BRD9: variants seen among roughly 807,000 people sequenced by gnomAD.
The protein encoded by BRD9 is bromodomain containing 9.
A neutral mutation model predicts 68.7 loss-of-function variants in BRD9; 47 were observed. The ratio of observed to expected loss-of-function variants is 0.68; its 90% confidence interval spans 0.54 to 0.87. BRD9 has a LOEUF of 0.87. BRD9 is among the 40% of genes least tolerant of loss of function. BRD9 has a pLI of 0.00. For missense variants in BRD9, 670 were observed against 748.4 expected, an observed-to-expected ratio of 0.90 and a Z score of 1.22; for synonymous variants, 313 against 293.9, an observed-to-expected ratio of 1.06 and a Z score of -0.67.
At chr5:892,370 G>A in intron 1 of BRD9, 1 of 946,092 alleles carries the variant, frequency 1.1e-6, no homozygotes, top group Non-Finnish European at 1.5e-6. Context: ...CGGGGTGAGT[G>A]GGCTTGCAGC....
chr5:883,978 T>C lies in BRD9; in HGVS notation c.926A>G (p.Glu309Gly). ...VLALVEHAAD[E>G]ARDRINRFLP... Reference sequence around the variant, plus strand: ...GAACCGGTTGATCCTGTCCCGAGCTTCGTCAGCTGCGTGCTCCACCAGCGC... The same window carrying C: ...GAACCGGTTGATCCTGTCCCGAGCTCCGTCAGCTGCGTGCTCCACCAGCGC... Residue 309 changes from glutamate (E) to glycine (G), a missense_variant, in exon 8 of 16, where the codon GAA becomes GGA. By Grantham distance (98) the Glu-to-Gly change is moderately conservative (BLOSUM62 -2). Transcript: ENST00000467963. 1 of 1,613,484 alleles carries C rather than the reference T, an allele frequency of 6.2e-7. No individual in the cohort carries two copies. Among genetic ancestry groups the C allele is most frequent in the Non-Finnish European group, 8.5e-7 (1 of 1,180,006 alleles).
Position 876,084 on chromosome 5 carries a change from G to A in BRD9, c.1383+17C>T. On this transcript the variant is annotated intron_variant, in intron 12 of 15. Transcript: ENST00000467963. ...CAAGGGCACCTGCCCCCCAACCCCG[G>A]TGCGAGTGCAGCCCACCTGCTTCAG... The A allele has an allele frequency of 1.9e-6, 3 of 1,588,684 alleles. No homozygotes were observed. The highest frequency in any genetic ancestry group is 1.7e-6 in the Non-Finnish European group (2 of 1,160,788).
At chr5:868,913 G>A (rs1749739886) in intron 14 of BRD9, 1 of 164,374 alleles carries the variant, frequency 6.1e-6, no homozygotes, top group African/African-American at 2.4e-5. Flanking sequence ...AAATGCTGCT[G>A]GAGGTCAGAA....
rs1751995049 is a variant in BRD9 at position 882,911 on chromosome 5, C to T, written c.966+1027G>A. 1.9e-5 allele frequency: 5 copies of T among 262,518 alleles called. 1 individual carries two copies. Among genetic ancestry groups the T allele is most frequent in the South Asian group, 1.5e-4 (4 of 26,486 alleles). 16.3% of individuals were successfully genotyped at this position (262,518 alleles called of 1,614,324 possible). A position where few individuals can be genotyped will look rare whatever the true frequency, so the allele number is the denominator to read the frequency against. Reference sequence around the variant, plus strand: ...ACAACCTCCCAACACATAAGCCACGCAGACCACAGCAACTTCCCAACATGC... The same window carrying T: ...ACAACCTCCCAACACATAAGCCACGTAGACCACAGCAACTTCCCAACATGC... On this transcript the variant is annotated intron_variant, in intron 8 of 15. Coordinates refer to ENST00000467963, the MANE Select transcript of BRD9 (RefSeq NM_023924.5).
At chr5:867,898 G>T (rs1447544902) in intron 14 of BRD9, among the ~76,000 whole-genome samples, 1 of 152,236 alleles carries the variant, frequency 6.6e-6, no homozygotes, top group African/African-American at 2.4e-5. Context: ...AGGAAGGCAT[G>T]ATTGTGTTTT....
intron 7 of BRD9, 61 bp downstream of exon 7, chr5:886,531 C>T (rs1752592629): frequency 1.3e-6 from 2 of 1,488,792 alleles, no homozygotes; most frequent in Non-Finnish European, 1.8e-6. Flanking sequence ...TACAAGGCAC[C>T]TGCTTTCCTG....
In BRD9 at chr5:865,424, C is replaced by T. The variant is rs1749239116; in HGVS notation, c.1683G>A (p.Gln561=). Reference sequence around the variant, plus strand: ...GTGGGGGCATCTCACCCAGGTGGTGCTGGTCCCTCTCGGAGGCGTTGGACA... The same window carrying T: ...GTGGGGGCATCTCACCCAGGTGGTGTTGGTCCCTCTCGGAGGCGTTGGACA... The part of the protein sequence containing the change: ...SSLSNASERD[Q]HHLGSPSRLS... Residue 561 remains glutamine (Q), a synonymous_variant, in exon 15 of 16, where the codon CAG becomes CAA. Transcript: ENST00000467963. The T allele has an allele frequency of 7.6e-6, 12 of 1,581,102 alleles. No homozygotes were observed. Among genetic ancestry groups the T allele is most frequent in the East Asian group, 2.3e-5 (1 of 44,096 alleles).
At chr5:892,474 C>T (rs1402578806) in intron 1 of BRD9, 132 bp downstream of exon 1, 2 of 1,437,388 alleles carry the variant, frequency 1.4e-6, no homozygotes, top group African/African-American at 1.5e-5. Flanking sequence ...GGACCCCCTC[C>T]CGCGTGCCCA....
intron 1 of BRD9, chr5:892,332 G>T: frequency 1.4e-6 from 1 of 691,622 alleles, no homozygotes; most frequent in Non-Finnish European, 2.2e-6. Context: ...ACAAAAGCCA[G>T]CACAGATGCT....
chr5:865,279 G>C, intron 15 of BRD9, 135 bp downstream of exon 15: 3 of 1,234,682 alleles, frequency 2.4e-6, no homozygotes, highest in Non-Finnish European at 3.3e-6. Context: ...TGTGGAAACC[G>C]ACCTCCACAA....
rs1003438013 is a variant in BRD9, at chr5:864,682, AG to A, written c.1694-115del. Reference sequence around the variant, plus strand: ...CTACCGCCAGGGCTCAGGGACTCCCAGGACACAGGGGCACCTCTCACTCCCT... The same window carrying A: ...CTACCGCCAGGGCTCAGGGACTCCCAGACACAGGGGCACCTCTCACTCCCT... On this transcript the variant is annotated intron_variant, in intron 15 of 15. Coordinates refer to ENST00000467963, the MANE Select transcript of BRD9 (RefSeq NM_023924.5). 57 of 831,172 alleles carry A rather than the reference AG, an allele frequency of 6.9e-5. No homozygotes were observed. The African/African-American group carries it at 9.1e-4, about 13-fold the overall frequency. The allele number at this position is 831,172 out of a possible 1,614,324, so 51.5% of individuals were successfully genotyped here.
chr5:874,874 G>A (rs373669520), intron 12 of BRD9, among the ~76,000 whole-genome samples: 9 of 152,308 alleles, frequency 5.9e-5, no homozygotes, highest in African/African-American at 1.9e-4. Flanking sequence ...GCACAGTGTC[G>A]GTGCCATGTG....
rs760673235 is a variant in BRD9 at position 871,566 on chromosome 5, T to C, written c.1384-2A>G. ...AGGCTTCATGGGAACATTTCTTCTC[T>C]GAAAAGTAAATGAGGACAGAAACTA... On this transcript the variant is annotated splice_acceptor_variant, in intron 12 of 15. Transcript: ENST00000467963. LOFTEE classifies it high-confidence loss of function. 1 of 1,614,066 alleles carries C rather than the reference T, an allele frequency of 6.2e-7. No homozygotes were observed. The highest frequency in any genetic ancestry group is 8.5e-7 in the Non-Finnish European group (1 of 1,179,882).
intron 3 of BRD9, chr5:889,871 C>G: frequency 1.2e-6 from 1 of 851,328 alleles, no homozygotes. Context: ...CTTGTAATAA[C>G]CGGTAGCCCT....
chr5:891,964 G>A, intron 1 of BRD9, 110 bp from the exon 2 acceptor site: 1 of 1,458,170 alleles, frequency 6.9e-7, no homozygotes, highest in South Asian at 1.4e-5. Context: ...GAGTACAGCG[G>A]GGCTGCCAAC....
At chr5:870,395 A>G in intron 14 of BRD9, 78 bp downstream of exon 14, 3 of 1,078,324 alleles carry the variant, frequency 2.8e-6, no homozygotes, top group Non-Finnish European at 4.3e-6. Context: ...AGGAAGGGAG[A>G]GGAGGTGGAG....
In BRD9 at chr5:881,179, C is replaced by G; in HGVS notation, c.970G>C (p.Gly324Arg). 3.7e-6 allele frequency: 6 copies of G among 1,613,992 alleles called. No individual in the cohort carries two copies. The highest frequency in any genetic ancestry group is 5.1e-6 in the Non-Finnish European group (6 of 1,180,014). ...INRFLPGGKM[G>R]YLKRNGDGSL... is the part of the protein sequence containing the mutation. ...CCGTCCCCGTTCCTCTTCAGATAGC[C>G]CATCTGGAAGGAAGCACTGCCTGAG... The change falls in exon 9 of 16, where the codon GGC (glycine) becomes CGC (arginine). Residue 324 changes from glycine to arginine, a missense_variant. Gly to Arg is a moderately radical substitution (Grantham distance 125). Transcript: ENST00000467963.
chr5:887,318 GC>G (rs1260626127), intron 6 of BRD9, 42 bp downstream of exon 6: 3 of 1,515,220 alleles, frequency 2.0e-6, no homozygotes, highest in Non-Finnish European at 2.7e-6. Flanking sequence ...GGGGGGCAGA[GC>G]CCCTGCTTTC....
chr5:889,914 T>C (rs189866010), intron 3 of BRD9: 58 of 495,998 alleles, frequency 1.2e-4, no homozygotes, highest in Non-Finnish European at 1.8e-4. Context: ...CACTTAGCAA[T>C]GTTTTCAGCT....
Sources: allele counts gnomAD v4.1 joint callset (sites outside exome capture counted in the v4.1 genomes callset), GRCh38; gene constraint gnomAD v4.1.1; transcripts MANE v1.5; gene names NCBI Gene and HGNC (gene_info 2026-07-23, HGNC 2026-07-21).